Variants in SYNE2 observed in about 807,000 individuals in gnomAD.
The protein encoded by SYNE2 is spectrin repeat containing nuclear envelope protein 2, also known as nesprin-2.
A neutral mutation model predicts 856.3 loss-of-function variants in SYNE2; 431 were observed. The observed-to-expected ratio is 0.50, with a 90% CI of 0.47 to 0.55. The LOEUF is 0.55. Among genes scored for constraint, SYNE2 ranks in the 20% least tolerant of loss-of-function variants. The pLI is 0.00. For synonymous variants in SYNE2, 2,923 were observed against 2,872.3 expected (o/e 1.02, Z -0.56); for missense variants, 8,129 against 8,023.2 (o/e 1.01, Z -0.50).
chr14:64,070,561 GCATACAAAAATTATGT>G (rs1385265633), intron 51 of SYNE2, 68 bp from the exon 52 acceptor site: 1 of 1,166,316 alleles, frequency 8.6e-7, no homozygotes, highest in African/African-American at 1.5e-5. Flanking sequence ...TGAAGAGAGA[GCATACAAAAATTATGT>G]CTACTTCAGG....
At chr14:63,974,480 C>T (rs1172787447) in intron 11 of SYNE2, among the ~76,000 whole-genome samples, 2 of 152,006 alleles carry the variant, frequency 1.3e-5, no homozygotes, top group African/African-American at 2.4e-5. Flanking sequence ...GGCCCAGCCC[C>T]GATACTGGGT....
intron 50 of SYNE2, among the ~76,000 whole-genome samples, chr14:64,065,025 C>T (rs187892016): frequency 3.3e-5 from 5 of 152,010 alleles, no homozygotes; most frequent in Admixed American, 1.3e-4. Context: ...CCACCACGCC[C>T]AGCTAAATTT....
chr14:63,900,739 C>T (rs974303311), intron 1 of SYNE2, among the ~76,000 whole-genome samples: 1 of 152,066 alleles, frequency 6.6e-6, no homozygotes, highest in African/African-American at 2.4e-5. Context: ...GAAATATGCA[C>T]CAGTTGCTTC....
intron 8 of SYNE2, 79 bp from the exon 9 acceptor site, chr14:63,961,446 G>T (rs2096313024): frequency 8.3e-7 from 1 of 1,202,894 alleles, no homozygotes; most frequent in Admixed American, 1.9e-5. Context: ...AAATGGCAGA[G>T]GCTATGGCAT....
chr14:63,920,867 A>G (rs1022887233), intron 2 of SYNE2, among the ~76,000 whole-genome samples: 1 of 152,080 alleles, frequency 6.6e-6, no homozygotes, highest in Non-Finnish European at 1.5e-5. Flanking sequence ...TAATTCCAGC[A>G]CTTTGGGAGG....
chr14:63,940,675 G>C lies in SYNE2; in HGVS notation c.141G>C (p.Arg47Ser). The change falls in exon 3 of 116, where the codon AGG (arginine) becomes AGC (serine). Residue 47 changes from arginine (R) to serine (S), a missense_variant and splice_region_variant. Physicochemically the swap from Arg to Ser is moderately radical, Grantham distance 110. This residue lies in a region of SYNE2 where 2,422 missense variants were observed against 2,357.4 expected (regional missense o/e 1.03). Transcript: ENST00000555002. Reference sequence around the variant, plus strand: ...GCTGGATAAACTCACAGTTGGCCAGGGTAAGCAAATGAAGACCAAATTAGT... The same window carrying C: ...GCTGGATAAACTCACAGTTGGCCAGCGTAAGCAAATGAAGACCAAATTAGT... ...FTCWINSQLARHTSPSVISDL... is the reference protein window; with the variant it reads ...FTCWINSQLASHTSPSVISDL... 6.2e-7 allele frequency: 1 copy of C among 1,613,952 alleles called. No individual in the cohort carries two copies.
intron 1 of SYNE2, among the ~76,000 whole-genome samples, chr14:63,853,735 C>G (rs1462028033): frequency 6.6e-6 from 1 of 151,068 alleles, no homozygotes; most frequent in African/African-American, 2.4e-5. Context: ...ACGGGCGGCC[C>G]GGGCACTGGA....
At chr14:63,992,779 A>G (rs1269787684) in intron 21 of SYNE2, among the ~76,000 whole-genome samples, 1 of 152,214 alleles carries the variant, frequency 6.6e-6, no homozygotes, top group Non-Finnish European at 1.5e-5. Context: ...TATGAATAGC[A>G]TACAGGGTAA....
intron 32 of SYNE2, among the ~76,000 whole-genome samples, chr14:64,014,549 C>A (rs561181171): frequency 8.3e-4 from 126 of 152,214 alleles, no homozygotes; most frequent in Middle Eastern, 3.4e-3. Flanking sequence ...ATCTCAGACT[C>A]CTGAGTAGCT....
intron 4 of SYNE2, 43 bp from the exon 5 acceptor site, chr14:63,941,842 T>G: frequency 1.2e-6 from 2 of 1,608,858 alleles, no homozygotes; most frequent in Non-Finnish European, 1.7e-6. Context: ...AAAAAATATG[T>G]ATTTCATTTT....
At chr14:63,906,525 C>T (rs567444023) in intron 1 of SYNE2, among the ~76,000 whole-genome samples, 65 of 152,240 alleles carry the variant, frequency 4.3e-4, no homozygotes, top group Middle Eastern at 6.8e-3. Flanking sequence ...TCAATCTCTT[C>T]CCAATTCAAT....
chr14:64,122,119 G>A lies in SYNE2; in HGVS notation c.13266G>A (p.Gln4422=), dbSNP rs34944385. The change falls in exon 69 of 116, where the codon CAG becomes CAA. Residue 4422 remains glutamine (Q), a synonymous_variant. Coordinates refer to ENST00000555002, the MANE Select transcript of SYNE2 (RefSeq NM_182914.3). ...GCCAACATGATAACGATACAACTCAGGAATCATCTGCAAGGTAAAACATTT... is the reference window on the plus strand; with the variant it reads ...GCCAACATGATAACGATACAACTCAAGAATCATCTGCAAGGTAAAACATTT... The part of the protein sequence containing the change: ...QYCQHDNDTT[Q]ESSASNQASS... The A allele has an allele frequency of 0.015, 24,311 of 1,613,886 alleles. 208 individuals are homozygous for A. The highest frequency in any genetic ancestry group is 0.022 in the Middle Eastern group (132 of 6,062).
intron 1 of SYNE2, among the ~76,000 whole-genome samples, chr14:63,875,301 C>T (rs568144726): frequency 3.3e-5 from 5 of 152,256 alleles, no homozygotes; most frequent in South Asian, 2.1e-4. Context: ...AATAATGCAG[C>T]ATGTGATATA....
At chr14:64,180,611 C>T (rs1270892128) in intron 96 of SYNE2, among the ~76,000 whole-genome samples, 1 of 151,600 alleles carries the variant, frequency 6.6e-6, no homozygotes, top group Non-Finnish European at 1.5e-5. Context: ...TCAAGGGATT[C>T]CCCTGCCTCA....
At chr14:63,839,095 T>G (rs1212433440) in intron 1 of SYNE2, among the ~76,000 whole-genome samples, 2 of 152,064 alleles carry the variant, frequency 1.3e-5, no homozygotes, top group Admixed American at 1.3e-4. Context: ...AGTGGCGTGA[T>G]CTTGGCTCAC....
intron 85 of SYNE2, 104 bp downstream of exon 85, chr14:64,152,820 CA>C: frequency 1.4e-6 from 2 of 1,416,418 alleles, no homozygotes; most frequent in South Asian, 2.4e-5. Flanking sequence ...CTCTCTATAC[CA>C]AACACTGAAA....
chr14:64,011,921 G>T (rs904327406), intron 32 of SYNE2, among the ~76,000 whole-genome samples: 5 of 152,118 alleles, frequency 3.3e-5, no homozygotes, highest in Non-Finnish European at 7.3e-5. Flanking sequence ...GCCATCGTTA[G>T]CTCCTCTGTG....
At chr14:64,165,566 G>A (rs550720722) in intron 90 of SYNE2, among the ~76,000 whole-genome samples, 156 bp downstream of exon 90, 2 of 150,756 alleles carry the variant, frequency 1.3e-5, no homozygotes, top group East Asian at 3.9e-4. Flanking sequence ...AGGCTGGAGT[G>A]CAGTGGCACG....
intron 65 of SYNE2, among the ~76,000 whole-genome samples, chr14:64,110,702 A>G (rs554469267): frequency 5.4e-5 from 8 of 148,940 alleles, no homozygotes; most frequent in African/African-American, 2.0e-4. Context: ...GCTACTGTGT[A>G]AAAAACAAGG....
Sources: gnomAD v4.1 joint callset for allele counts (sites outside exome capture counted in the v4.1 genomes callset) on GRCh38, gnomAD v4.1.1 for gene constraint, gnomAD v4.1.1 regional missense constraint, MANE v1.5 for transcripts, NCBI Gene and HGNC (gene_info 2026-07-23, HGNC 2026-07-21) for gene names.